Variants in CAPRIN2 observed in about 807,000 individuals in gnomAD.
CAPRIN2 encodes the protein caprin family member 2.
Under a neutral mutation model 130.4 loss-of-function variants are expected in CAPRIN2, and 66 were observed. The observed-to-expected ratio is 0.51, with a 90% CI of 0.42 to 0.62. The LOEUF (loss-of-function observed/expected upper bound fraction) is 0.62, where lower values mean the gene tolerates loss of function less well. CAPRIN2 is among the 20% of genes least tolerant of loss of function. The pLI is 0.00. For synonymous variants in CAPRIN2, 471 were observed against 444.1 expected, an observed-to-expected ratio of 1.06 and a Z score of -0.76; for missense variants, 1,185 against 1,246.6, an observed-to-expected ratio of 0.95 and a Z score of 0.74.
At chr12:30,745,031 T>G (rs1396793252) in intron 2 of CAPRIN2, among the ~76,000 whole-genome samples, 1 of 152,214 alleles carries the variant, frequency 6.6e-6, no homozygotes, top group Non-Finnish European at 1.5e-5. Flanking sequence ...CTAGGAAGCG[T>G]ATGTAAAGTT....
intron 8 of CAPRIN2, 129 bp downstream of exon 9, chr12:30,728,519 C>T: frequency 1.4e-6 from 1 of 719,584 alleles, no homozygotes; most frequent in South Asian, 2.0e-5. Context: ...AGTGCCACTG[C>T]ACTCCAGCCT....
At chr12:30,752,572 TA>T (rs201247925) in intron 1 of CAPRIN2, among the ~76,000 whole-genome samples, 1,527 of 129,248 alleles carry the variant, frequency 0.012, 13 homozygotes, top group African/African-American at 0.032. Flanking sequence ...TTTCTTAGGT[TA>T]AAAAAAAAAA....
At chr12:30,730,485 C>T (rs1424978516) in intron 6 of CAPRIN2, among the ~76,000 whole-genome samples, 1 of 152,180 alleles carries the variant, frequency 6.6e-6, no homozygotes, top group Non-Finnish European at 1.5e-5. Context: ...AAACTAGTAG[C>T]TCTCCTTATG....
chr12:30,719,600 AGTGTT>A (rs1230519278), intron 12 of CAPRIN2: 1 of 160,810 alleles, frequency 6.2e-6, no homozygotes, highest in Non-Finnish European at 1.3e-5. Context: ...TTAGTTGTTT[AGTGTT>A]AATTTTTCTC....
At chr12:30,753,680 G>T (rs1339647880) in exon 1 of CAPRIN2, 1 of 1,614,026 alleles carries the variant, frequency 6.2e-7, no homozygotes, top group Admixed American at 1.7e-5. Context: ...TAACTTCCCT[G>T]GAAAGTCTAG....
chr12:30,746,151 G>A (rs2139486096), intron 2 of CAPRIN2, among the ~76,000 whole-genome samples: 1 of 152,246 alleles, frequency 6.6e-6, no homozygotes, highest in South Asian at 2.1e-4. Flanking sequence ...AAAAGAATTG[G>A]TGAATGAGTA....
intron 12 of CAPRIN2, 88 bp from the exon 15 acceptor site, chr12:30,716,764 A>C: frequency 8.2e-7 from 1 of 1,215,784 alleles, no homozygotes; most frequent in African/African-American, 1.5e-5. Context: ...ACATTCAAAA[A>C]CTTCTATTTT....
intron 12 of CAPRIN2, chr12:30,720,031 T>C (rs2058886731): frequency 6.6e-6 from 1 of 152,232 alleles, no homozygotes; most frequent in Non-Finnish European, 1.5e-5. Flanking sequence ...TCAAACTTAG[T>C]AAAAACTGTA....
At position 30,751,002 on chromosome 12, in the gene CAPRIN2, C is replaced by G; in HGVS notation, c.483+69G>C. 3 of 1,150,190 alleles carry G rather than the reference C, an allele frequency of 2.6e-6. No individual in the cohort carries two copies. In the South Asian group the frequency reaches 3.7e-5, roughly 14 times the overall value. 71.2% of individuals were successfully genotyped at this position (1,150,190 alleles called of 1,614,324 possible). ...GTGTGTGCTATAAAGACTGATCGCA[C>G]TAAATCCATGTAGTTTTATTAAGAA... On this transcript the variant is annotated intron_variant, in intron 2 of 16. Transcript: ENST00000298892.
chr12:30,728,894 T>G, exon 8 of CAPRIN2: 1 of 1,614,178 alleles, frequency 6.2e-7, no homozygotes, highest in South Asian at 1.1e-5. Context: ...TCCAAGACTT[T>G]GGAGTTTGCT....
intron 2 of CAPRIN2, among the ~76,000 whole-genome samples, chr12:30,745,402 T>C (rs2069555517): frequency 3.9e-5 from 6 of 152,320 alleles, no homozygotes; most frequent in Admixed American, 3.3e-4. Context: ...ACATTCTTTT[T>C]ACTATTTGAA....
At chr12:30,715,204 G>C (rs1446956647) in intron 13 of CAPRIN2, 63 bp from the exon 16 acceptor site, 1 of 1,298,264 alleles carries the variant, frequency 7.7e-7, no homozygotes, top group Non-Finnish European at 1.1e-6. Context: ...ATACTTAAAA[G>C]CCAATATATA....
chr12:30,754,678 G>T, upstream of CAPRIN2: 1 of 152,786 alleles, frequency 6.5e-6, no homozygotes, highest in South Asian at 1.9e-4. Context: ...CGGCCGCCCA[G>T]ACCTGCCCAC....
At chr12:30,731,217 A>G in intron 6 of CAPRIN2, 126 bp downstream of exon 7, 1 of 612,340 alleles carries the variant, frequency 1.6e-6, no homozygotes. Context: ...ATCCTGTGGT[A>G]AGTAAAGATT....
chr12:30,753,311 A>G (rs372171429), intron 1 of CAPRIN2, 33 bp downstream of exon 2: 1 of 1,527,660 alleles, frequency 6.5e-7, no homozygotes. Flanking sequence ...CTTTAAGATC[A>G]TGCATCTACA....
chr12:30,722,558 T>C (rs1266001139), intron 11 of CAPRIN2, among the ~76,000 whole-genome samples: 2 of 152,098 alleles, frequency 1.3e-5, no homozygotes, highest in Non-Finnish European at 2.9e-5. Context: ...AGTCAGTGAA[T>C]TGGAGGAAAG....
intron 11 of CAPRIN2, among the ~76,000 whole-genome samples, chr12:30,721,868 A>G (rs2059509603): frequency 6.6e-6 from 1 of 152,238 alleles, no homozygotes; most frequent in Non-Finnish European, 1.5e-5. Context: ...GAAATCCTTT[A>G]GAACATTTTA....
intron 3 of CAPRIN2, among the ~76,000 whole-genome samples, chr12:30,737,788 G>A (rs940876211): frequency 6.6e-6 from 1 of 151,864 alleles, no homozygotes; most frequent in Admixed American, 6.6e-5. Context: ...TAGTAGAGAC[G>A]GGGTTTCATC....
rs780524389 is a variant in CAPRIN2 at position 30,710,447 on chromosome 12, C to T, written c.2689G>A (p.Val897Met). 1 of 1,614,080 alleles carries T rather than the reference C, an allele frequency of 6.2e-7. No individual in the cohort carries two copies. Among genetic ancestry groups the T allele is most frequent in the Non-Finnish European group, 8.5e-7 (1 of 1,180,000 alleles). ...TCGTTGTCTCTTTCTGGGCTGCTCA[C>T]CTGAGAAGAATCACTCCACCCTGCT... The change falls in exon 17 of 17, where the codon GTG becomes ATG. Residue 897 changes from valine (V) to methionine (M), a missense_variant. By Grantham distance (21) the Val-to-Met change is conservative (BLOSUM62 1). This residue lies in a region of CAPRIN2 where 1,104 missense variants were observed against 1,104.3 expected (regional missense o/e 1.00). Coordinates refer to ENST00000298892, the Ensembl canonical transcript of CAPRIN2. This position sits in a 1 kb window ranked among gnomAD's most constrained non-coding sequence, Gnocchi z 4.8.
Sources: gnomAD v4.1 joint callset for allele counts (sites outside exome capture counted in the v4.1 genomes callset) on GRCh38, gnomAD v4.1.1 for gene constraint, gnomAD v4.1.1 regional missense constraint, Gnocchi (gnomAD v3.1) non-coding constraint, MANE v1.5 for transcripts, NCBI Gene and HGNC (gene_info 2026-07-23, HGNC 2026-07-21) for gene names.